The following TENM4 variants were observed in gnomAD, a reference collection of about 807,000 sequenced individuals.
TENM4 encodes the protein teneurin-4.
Under a neutral mutation model 243.3 loss-of-function variants are expected in TENM4, and 82 were observed. That is an observed-to-expected ratio of 0.34 (90% CI 0.28 to 0.40). The LOEUF (loss-of-function observed/expected upper bound fraction) is 0.40, where lower values mean the gene tolerates loss of function less well. Ranked by LOEUF, TENM4 falls within the 10% of genes least tolerant of loss-of-function variation. The pLI is 1.00. For synonymous variants in TENM4, 1,412 were observed against 1,456.3 expected, an observed-to-expected ratio of 0.97 and a Z score of 0.69; for missense variants, 3,138 against 3,673.3, an observed-to-expected ratio of 0.85 and a Z score of 3.77.
At chr11:79,285,448 C>T (rs959239669) in intron 2 of TENM4, among the ~76,000 whole-genome samples, 3 of 152,100 alleles carry the variant, frequency 2.0e-5, no homozygotes, top group African/African-American at 7.2e-5. Context: ...AATAGGTTGG[C>T]AGTTGCTAAA....
At chr11:78,714,124 A>AC (rs2135810983) in intron 25 of TENM4, among the ~76,000 whole-genome samples, 1 of 152,304 alleles carries the variant, frequency 6.6e-6, no homozygotes, top group South Asian at 2.1e-4. Flanking sequence ...AGCACTGCAG[A>AC]CCCCCTTCAA....
At chr11:78,763,173 AC>A (rs1424409529) in intron 18 of TENM4, among the ~76,000 whole-genome samples, 4 of 152,252 alleles carry the variant, frequency 2.6e-5, no homozygotes, top group African/African-American at 9.6e-5. Context: ...TTTCTGTAAA[AC>A]CCTCCTAAAC....
chr11:79,268,873 A>G (rs1480707240), intron 2 of TENM4, among the ~76,000 whole-genome samples: 1 of 152,222 alleles, frequency 6.6e-6, no homozygotes, highest in Non-Finnish European at 1.5e-5. Context: ...AGAAGGCTGT[A>G]ATATGTGTTA....
At chr11:78,942,231 T>C (rs1299313909) in intron 6 of TENM4, among the ~76,000 whole-genome samples, 2 of 106,880 alleles carry the variant, frequency 1.9e-5, no homozygotes, top group African/African-American at 7.3e-5. Flanking sequence ...TGGTGCAACA[T>C]GGTGAAACCC....
intron 10 of TENM4, 146 bp from the exon 11 acceptor site, chr11:78,856,324 G>A (rs903913476): frequency 5.8e-6 from 4 of 693,962 alleles, no homozygotes; most frequent in Non-Finnish European, 9.5e-6. Context: ...CCCCACCCTG[G>A]CCCTCCCCAC....
In TENM4 at chr11:79,440,012, C is replaced by T. The variant is rs941500518; in HGVS notation, c.-321+497G>A. Among the ~76,000 whole-genome samples, 4 of 152,166 alleles carry T rather than the reference C, an allele frequency of 2.6e-5. No individual in the cohort carries two copies. The highest frequency in any genetic ancestry group is 9.6e-5 in the African/African-American group (4 of 41,562). ...CAGGATCTGAGCTCCAACCACCGCC[C>T]GTGCGGGGCTGCTGCAGCCGGCACT... On this transcript the variant is annotated intron_variant, in intron 1 of 33. Coordinates refer to ENST00000278550, the MANE Select transcript of TENM4 (RefSeq NM_001098816.3). The surrounding 1 kb of genome is among the most constrained non-coding windows in gnomAD (Gnocchi z 4.7).
chr11:78,788,561 G>A (rs1856986608), intron 15 of TENM4, among the ~76,000 whole-genome samples: 1 of 152,254 alleles, frequency 6.6e-6, no homozygotes, highest in African/African-American at 2.4e-5. Context: ...CTTGTCTGGA[G>A]AGTGTGAGCT....
intron 31 of TENM4, among the ~76,000 whole-genome samples, chr11:78,670,869 G>A (rs899713662): frequency 4.6e-5 from 7 of 152,194 alleles, no homozygotes; most frequent in African/African-American, 1.2e-4. Context: ...GAGCAGCCTC[G>A]TGGGTTTGCC....
rs181064555 is a variant in TENM4 at position 79,200,977 on chromosome 11, A to T, written c.-163+14831T>A. Among the ~76,000 whole-genome samples, 46 of 152,326 alleles carry T rather than the reference A, an allele frequency of 3.0e-4. 1 individual carries two copies. The highest frequency in any genetic ancestry group is 6.8e-3 in the Middle Eastern group (2 of 294). On this transcript the variant is annotated intron_variant, in intron 3 of 33. Transcript: ENST00000278550. ...TTGAAGGATGAACACTATTATAATT[A>T]TGCCCCACACAGCTTTCTGACATTA... is the stretch of plus-strand genomic sequence containing the variant.
chr11:78,992,752 G>C (rs554401881), intron 6 of TENM4, among the ~76,000 whole-genome samples: 61 of 152,272 alleles, frequency 4.0e-4, no homozygotes, highest in Middle Eastern at 6.8e-3. Flanking sequence ...CAATCTTGTG[G>C]GGATAACCTA....
At chr11:79,153,439 C>T (rs1394545930) in intron 3 of TENM4, among the ~76,000 whole-genome samples, 1 of 152,116 alleles carries the variant, frequency 6.6e-6, no homozygotes, top group Non-Finnish European at 1.5e-5. Flanking sequence ...TGTTTCCTTG[C>T]ACGGTGTCTG....
chr11:79,262,701 G>T (rs1855819139), intron 2 of TENM4, among the ~76,000 whole-genome samples: 1 of 152,186 alleles, frequency 6.6e-6, no homozygotes, highest in South Asian at 2.1e-4. Flanking sequence ...GGTGTATTAG[G>T]TTTAAAGAAC....
At chr11:79,053,331 TC>T (rs1859850687) in intron 6 of TENM4, among the ~76,000 whole-genome samples, 1 of 152,188 alleles carries the variant, frequency 6.6e-6, no homozygotes, top group African/African-American at 2.4e-5. Flanking sequence ...TGTAGTCTTC[TC>T]AAGAACAAGA....
chr11:79,228,511 G>A (rs1565259287), intron 2 of TENM4, among the ~76,000 whole-genome samples: 2 of 152,120 alleles, frequency 1.3e-5, no homozygotes, highest in African/African-American at 2.4e-5. Context: ...TTGCCACCTC[G>A]CCATCCCCAC....
intron 1 of TENM4, among the ~76,000 whole-genome samples, chr11:79,425,499 CAT>C (rs1491041602): frequency 7.0e-6 from 1 of 143,318 alleles, no homozygotes. Context: ...AACTCCTGGC[CAT>C]GTTCTCCTGA....
intron 7 of TENM4, among the ~76,000 whole-genome samples, chr11:78,899,642 C>T (rs940563003): frequency 6.1e-4 from 92 of 151,098 alleles, no homozygotes; most frequent in African/African-American, 2.2e-3. Context: ...GTTTCGGTCA[C>T]GAGGGTGGAT....
chr11:78,834,231 A>G (rs1858046282), intron 12 of TENM4, among the ~76,000 whole-genome samples: 1 of 152,180 alleles, frequency 6.6e-6, no homozygotes, highest in East Asian at 1.9e-4. Context: ...TCTCTGATCT[A>G]TACCCCTTTG....
chr11:79,359,098 T>C (rs1857547549), intron 1 of TENM4, among the ~76,000 whole-genome samples: 1 of 152,064 alleles, frequency 6.6e-6, no homozygotes, highest in Admixed American at 6.6e-5. Flanking sequence ...AGACCCCATC[T>C]GTACAAAGAA....
intron 6 of TENM4, among the ~76,000 whole-genome samples, chr11:78,999,561 A>C (rs1858263158): frequency 6.6e-6 from 1 of 152,158 alleles, no homozygotes; most frequent in African/African-American, 2.4e-5. Flanking sequence ...AAGATAAACA[A>C]TAAATAAAAA....
Sources: gnomAD v4.1 joint callset for allele counts (sites outside exome capture counted in the v4.1 genomes callset) on GRCh38, gnomAD v4.1.1 for gene constraint, Gnocchi (gnomAD v3.1) non-coding constraint, MANE v1.5 for transcripts, NCBI Gene and HGNC (gene_info 2026-07-23, HGNC 2026-07-21) for gene names.